The following MRTFA variants were observed in gnomAD, a reference collection of about 807,000 sequenced individuals.
The protein encoded by MRTFA is myocardin related transcription factor A, also known as myocardin-related transcription factor A.
In MRTFA, 20 loss-of-function variants were observed where a neutral mutation model predicts 83.5. The ratio of observed to expected loss-of-function variants is 0.24; its 90% confidence interval spans 0.17 to 0.35. The LOEUF is 0.35. MRTFA is among the 10% of genes least tolerant of loss of function. MRTFA has a pLI of 1.00. For missense variants in MRTFA, 1,200 were observed against 1,224.7 expected (o/e 0.98, Z 0.30); for synonymous variants, 659 against 541.2 (o/e 1.22, Z -3.02).
chr22:40,554,682 G>A (rs2055493946), intron 2 of MRTFA, among the ~76,000 whole-genome samples: 1 of 152,142 alleles, frequency 6.6e-6, no homozygotes, highest in South Asian at 2.1e-4. Context: ...TAATAGACAC[G>A]GACAAACTAT....
At chr22:40,627,056 G>A (rs2056590577) in intron 1 of MRTFA, among the ~76,000 whole-genome samples, 1 of 149,216 alleles carries the variant, frequency 6.7e-6, no homozygotes, top group South Asian at 2.1e-4. Context: ...AAGAGACCCT[G>A]GATCACTTAC....
At chr22:40,421,234 C>T in intron 9 of MRTFA, 134 bp from the exon 10 acceptor site, 1 of 1,022,682 alleles carries the variant, frequency 9.8e-7, no homozygotes, top group Non-Finnish European at 1.4e-6. Flanking sequence ...TCCACTCTTC[C>T]CTGTGGGACC....
At chr22:40,540,096 G>C (rs999191317) in intron 3 of MRTFA, among the ~76,000 whole-genome samples, 1 of 151,544 alleles carries the variant, frequency 6.6e-6, no homozygotes, top group Non-Finnish European at 1.5e-5. Context: ...TTTCTGTAGA[G>C]ATGGGGGTTG....
chr22:40,551,587 C>CT (rs1247312820), intron 3 of MRTFA, among the ~76,000 whole-genome samples: 2 of 152,084 alleles, frequency 1.3e-5, no homozygotes, highest in African/African-American at 2.4e-5. Context: ...AGGCTGGTCT[C>CT]TTAACTCCTG....
At chr22:40,446,561 A>G (rs1203360265) in intron 4 of MRTFA, among the ~76,000 whole-genome samples, 1 of 152,180 alleles carries the variant, frequency 6.6e-6, no homozygotes, top group Non-Finnish European at 1.5e-5. Flanking sequence ...CAAAGCTATT[A>G]CCCCAAGTAA....
chr22:40,537,824 T>C (rs1602402138), intron 3 of MRTFA, among the ~76,000 whole-genome samples: 1 of 13,066 alleles, frequency 7.7e-5, no homozygotes, highest in Admixed American at 6.5e-4. Flanking sequence ...GGTGGGGGGG[T>C]CAGCCCTCCG....
chr22:40,509,914 GA>G (rs201950953), intron 3 of MRTFA, among the ~76,000 whole-genome samples: 233 of 58,234 alleles, frequency 4.0e-3, no homozygotes, highest in Middle Eastern at 0.023. Flanking sequence ...GGAGGAACAA[GA>G]AAAAAAAAAA....
At chr22:40,419,843 C>T (rs2052789847) in intron 11 of MRTFA, among the ~76,000 whole-genome samples, 1 of 152,232 alleles carries the variant, frequency 6.6e-6, no homozygotes, top group Admixed American at 6.5e-5. Flanking sequence ...GGGCATGACC[C>T]ACTCCTCTCC....
intron 2 of MRTFA, among the ~76,000 whole-genome samples, chr22:40,581,985 T>C (rs1047523591): frequency 2.0e-5 from 3 of 152,222 alleles, no homozygotes; most frequent in Non-Finnish European, 4.4e-5. Context: ...TTAGTGTAAT[T>C]TGCAAAGCTG....
intron 7 of MRTFA, among the ~76,000 whole-genome samples, chr22:40,428,677 C>T (rs766176245): frequency 6.6e-6 from 1 of 152,128 alleles, no homozygotes; most frequent in Non-Finnish European, 1.5e-5. Flanking sequence ...CCACACCCAG[C>T]TAATTTTTTG....
chr22:40,588,300 T>C (rs1403376334), intron 2 of MRTFA, among the ~76,000 whole-genome samples: 1 of 152,186 alleles, frequency 6.6e-6, no homozygotes, highest in Non-Finnish European at 1.5e-5. Context: ...GTGCTGGGAT[T>C]ACAGGTGTGA....
rs552648704 is a variant in MRTFA, at chr22:40,618,994, T to A, written c.-84+17484A>T. On this transcript the variant is annotated intron_variant, in intron 1 of 14. Transcript: ENST00000355630. Reference sequence around the variant, plus strand: ...AAATAAAAATAATAATAATTAAAAATATATATATATATATCAATAATCCAG... The same window carrying A: ...AAATAAAAATAATAATAATTAAAAAAATATATATATATATCAATAATCCAG... Among the ~76,000 whole-genome samples the A allele has an allele frequency of 1.0e-3, 153 of 149,746 alleles. 2 individuals are homozygous for A. The highest frequency in any genetic ancestry group is 7.1e-3 in the South Asian group (34 of 4,786).
chr22:40,578,098 C>T (rs1028195277), intron 2 of MRTFA, among the ~76,000 whole-genome samples: 28 of 152,048 alleles, frequency 1.8e-4, no homozygotes, highest in Non-Finnish European at 2.9e-5. Flanking sequence ...AGATTACAGA[C>T]ACGTGCCACC....
intron 4 of MRTFA, among the ~76,000 whole-genome samples, chr22:40,444,666 C>A (rs944741909): frequency 1.3e-5 from 2 of 152,086 alleles, no homozygotes; most frequent in African/African-American, 4.8e-5. Context: ...CGACGTGTAG[C>A]CACCACATTC....
In MRTFA at chr22:40,419,245, G is replaced by C. The variant is rs372640662; in HGVS notation, c.1493C>G (p.Ser498Cys). Reference sequence around the variant, plus strand: ...CACCTCGCCAGCCTTGTGCAGGATAGAGGTGGCGGCAGGGGCCTTGGGGGC... The same window carrying C: ...CACCTCGCCAGCCTTGTGCAGGATACAGGTGGCGGCAGGGGCCTTGGGGGC... Residue 498 changes from serine to cysteine, a missense_variant, in exon 12 of 15, where the codon TCT becomes TGT. Ser to Cys is a moderately radical substitution (Grantham distance 112). Coordinates refer to ENST00000355630, the MANE Select transcript of MRTFA (RefSeq NM_020831.6). 1.6e-4 allele frequency: 256 copies of C among 1,611,444 alleles called. No individual in the cohort carries two copies. The highest frequency in any genetic ancestry group is 1.9e-4 in the Non-Finnish European group (229 of 1,179,026).
At chr22:40,575,891 T>C (rs912892485) in intron 2 of MRTFA, among the ~76,000 whole-genome samples, 4 of 152,212 alleles carry the variant, frequency 2.6e-5, no homozygotes, top group African/African-American at 9.6e-5. Context: ...ACATACTACA[T>C]GAGAAGCACT....
intron 1 of MRTFA, among the ~76,000 whole-genome samples, chr22:40,613,156 T>A (rs990572756): frequency 6.6e-6 from 1 of 152,228 alleles, no homozygotes; most frequent in African/African-American, 2.4e-5. Context: ...TTCACAGTGC[T>A]GCATGTATCC....
chr22:40,518,497 GA>G (rs987395123), intron 3 of MRTFA, among the ~76,000 whole-genome samples: 1 of 151,542 alleles, frequency 6.6e-6, no homozygotes, highest in Non-Finnish European at 1.5e-5. Context: ...GTAGAGTACA[GA>G]AAAAAACAAA....
chr22:40,535,456 G>A (rs1002950369), intron 3 of MRTFA, among the ~76,000 whole-genome samples: 16 of 146,816 alleles, frequency 1.1e-4, no homozygotes, highest in African/African-American at 4.0e-4. Context: ...AAGTTCAAGC[G>A]ATCCTCCTAC....
Sources: allele counts gnomAD v4.1 joint callset (sites outside exome capture counted in the v4.1 genomes callset), GRCh38; gene constraint gnomAD v4.1.1; transcripts MANE v1.5; gene names NCBI Gene and HGNC (gene_info 2026-07-23, HGNC 2026-07-21).